EPS8L2: variants seen among roughly 807,000 people sequenced by gnomAD.
EPS8L2 encodes the protein EPS8 signaling adaptor L2.
EPS8L2 carries 81 observed loss-of-function variants against 99.4 expected under a neutral mutation model. The ratio of observed to expected loss-of-function variants is 0.82; its 90% CI spans 0.68 to 0.98. The LOEUF (loss-of-function observed/expected upper bound fraction) is 0.98. Among genes scored for constraint, EPS8L2 ranks in the 50% least tolerant of loss-of-function variants. The pLI, the probability that EPS8L2 is intolerant of heterozygous loss-of-function variation, is 0.00. For synonymous variants in EPS8L2, 509 were observed against 407.3 expected (o/e 1.25, Z -3.01); for missense variants, 1,155 against 968.8 (o/e 1.19, Z -2.55).
intron 4 of EPS8L2, among the ~76,000 whole-genome samples, chr11:713,778 T>G (rs908862152): frequency 6.6e-6 from 1 of 152,232 alleles, no homozygotes; most frequent in Non-Finnish European, 1.5e-5. Flanking sequence ...ACTCCTGACC[T>G]CAATTGATCC....
Position 727,160 on chromosome 11 carries a change from G to C in EPS8L2, c.*179G>C, listed in dbSNP as rs925097710. The C allele has an allele frequency of 9.8e-5, 56 of 572,312 alleles. No homozygotes were observed. The highest frequency in any genetic ancestry group is 9.1e-4 in the African/African-American group (48 of 52,484). 35.5% of individuals were successfully genotyped at this position (572,312 alleles called of 1,614,324 possible). A position where few individuals can be genotyped will look rare whatever the true frequency, so the allele number is the denominator to read the frequency against. ...ATCCTTAGGCCAAACAGTACCCAAG[G>C]CCTCAGCCCACACCAAGACTAATCT... On this transcript the variant is annotated 3_prime_UTR_variant, in exon 21 of 21. Transcript: ENST00000318562.
Position 722,497 on chromosome 11 carries a change from C to T in EPS8L2, c.1156C>T (p.Pro386Ser), listed in dbSNP as rs1449758656. 6.2e-7 allele frequency: 1 copy of T among 1,613,430 alleles called. No homozygotes were observed. Among genetic ancestry groups the T allele is most frequent in the South Asian group, 1.1e-5 (1 of 91,078 alleles). The change falls in exon 13 of 21, where the codon CCT (proline) becomes TCT (serine). Residue 386 changes from proline (P) to serine (S), a missense_variant. Transcript: ENST00000318562. ...GGACTTCCTGCGCGGCCACCTGGTC[C>T]CTAAGGAGATGTCGCTGTGGGAGTC... ...AVDFLRGHLV[P>S]KEMSLWESLG...
In EPS8L2 at chr11:726,408, G is replaced by A. The variant is rs1224788752; in HGVS notation, c.1858G>A (p.Val620Met). The A allele has an allele frequency of 1.9e-6, 3 of 1,606,116 alleles. No homozygotes were observed. Among genetic ancestry groups the A allele is most frequent in the Admixed American group, 1.7e-5 (1 of 59,090 alleles). Residue 620 changes from valine to methionine, a missense_variant, in exon 19 of 21, where the codon GTG becomes ATG. Coordinates refer to ENST00000318562, the MANE Select transcript of EPS8L2 (RefSeq NM_022772.4). ...CTTCCGCGTGGAGCGCAGCCAGCCC[G>A]TGAGCCAGCCGCTCACCTACGAGTC... ...RHFRVERSQP[V>M]SQPLTYESGP...
At position 724,625 on chromosome 11, in the gene EPS8L2, C is replaced by A; in HGVS notation, c.1455-99C>A. ...GACCTCCAGAACAGAAAAGAGGCAG[C>A]CAGTCGTGCACCTGGGAAGCTGCTG... On this transcript the variant is annotated intron_variant, in intron 15 of 20. Coordinates refer to ENST00000318562, the MANE Select transcript of EPS8L2 (RefSeq NM_022772.4). This position sits in a 1 kb window ranked among gnomAD's most constrained non-coding sequence, Gnocchi z 5.5. The A allele has an allele frequency of 1.3e-6, 1 of 792,996 alleles. No homozygotes were observed. The highest frequency in any genetic ancestry group is 2.2e-6 in the Non-Finnish European group (1 of 456,218). 49.1% of individuals were successfully genotyped at this position (792,996 alleles called of 1,614,324 possible). A position where few individuals can be genotyped will look rare whatever the true frequency, so the allele number is the denominator to read the frequency against.
Position 726,174 on chromosome 11 carries a change from A to G in EPS8L2, c.1753+4A>G. ...AGCTTCCCGGGGAACAAAGACGGTG[A>G]GAGCTGCTGCTTCGAGGCGGGGGTC... On this transcript the variant is annotated splice_donor_region_variant and intron_variant, in intron 18 of 20. Coordinates refer to ENST00000318562, the MANE Select transcript of EPS8L2 (RefSeq NM_022772.4). 6.2e-7 allele frequency: 1 copy of G among 1,606,236 alleles called. No individual in the cohort carries two copies. Among genetic ancestry groups the G allele is most frequent in the African/African-American group, 1.3e-5 (1 of 74,320 alleles).
intron 4 of EPS8L2, among the ~76,000 whole-genome samples, chr11:716,297 C>T (rs544237170): frequency 7.3e-4 from 110 of 151,662 alleles, no homozygotes; most frequent in African/African-American, 2.6e-3. Flanking sequence ...TACAGGCGCC[C>T]GCCACCCCGC....
At chr11:725,666 A>G in intron 16 of EPS8L2, 62 bp from the exon 17 acceptor site, 1 of 1,279,558 alleles carries the variant, frequency 7.8e-7, no homozygotes, top group Non-Finnish European at 9.8e-7. Context: ...AAGCGGCGCC[A>G]GCGGGTGGTC....
intron 3 of EPS8L2, chr11:710,008 C>G (rs949881544): frequency 1.1e-5 from 4 of 371,126 alleles, no homozygotes; most frequent in African/African-American, 8.3e-5. Flanking sequence ...ATGCACCCTT[C>G]ACTTATGTCT....
At chr11:712,084 G>A (rs890483555) in intron 4 of EPS8L2, among the ~76,000 whole-genome samples, 65 of 152,120 alleles carry the variant, frequency 4.3e-4, no homozygotes, top group South Asian at 4.2e-4. Flanking sequence ...TCAGGAGTTC[G>A]AGACCAGCCT....
In EPS8L2 at chr11:721,056, C is replaced by A. The variant is rs751635374; in HGVS notation, c.558-8C>A. 2 of 1,394,170 alleles carry A rather than the reference C, an allele frequency of 1.4e-6. No homozygotes were observed. Among genetic ancestry groups the A allele is most frequent in the African/African-American group, 1.6e-5 (1 of 62,762 alleles). 86.4% of individuals were successfully genotyped at this position (1,394,170 alleles called of 1,614,324 possible). A position where few individuals can be genotyped will look rare whatever the true frequency, so the allele number is the denominator to read the frequency against. On this transcript the variant is annotated splice_polypyrimidine_tract_variant and splice_region_variant and intron_variant, in intron 7 of 20. Transcript: ENST00000318562. ...GGCGGGGCTGAGCAGGACCCCCTCG[C>A]CCTCCAGGGGACACCAGGAGAAGAT...
In EPS8L2 at chr11:721,090, G is replaced by T; in HGVS notation, c.584G>T (p.Arg195Leu). ...LKGHQEKIRQRQSILPPPQGP... is the reference protein window; with the variant it reads ...LKGHQEKIRQLQSILPPPQGP... ...GGACACCAGGAGAAGATTCGGCAGC[G>T]GCAGTCCATCCTGCCTCCTCCCCAG... Residue 195 changes from arginine (R) to leucine (L), a missense_variant, in exon 8 of 21, where the codon CGG (arginine) becomes CTG (leucine). By Grantham distance (102) the Arg-to-Leu change is moderately radical. Coordinates refer to ENST00000318562, the MANE Select transcript of EPS8L2 (RefSeq NM_022772.4). The T allele has an allele frequency of 6.6e-7, 1 of 1,511,816 alleles. No individual in the cohort carries two copies. The allele number at this position is 1,511,816 out of a possible 1,614,324, so 93.7% of individuals were successfully genotyped here.
chr11:726,967 G>A lies in EPS8L2; in HGVS notation c.2134G>A (p.Gly712Arg), dbSNP rs764159379. The A allele has an allele frequency of 1.9e-6, 3 of 1,612,972 alleles. No homozygotes were observed. Among genetic ancestry groups the A allele is most frequent in the African/African-American group, 1.3e-5 (1 of 74,942 alleles). The change falls in exon 21 of 21, where the codon GGG (glycine) becomes AGG (arginine). Residue 712 changes from glycine (G) to arginine (R), a missense_variant. Gly to Arg is a moderately radical substitution (Grantham distance 125). Transcript: ENST00000318562. ...NKFHSMNQRR[G>R]EDS ...GTTTCATTCCATGAATCAGAGGAGGGGGGAGGACAGCTAGGCCCAGCTGCC... is the reference window on the plus strand; with the variant it reads ...GTTTCATTCCATGAATCAGAGGAGGAGGGAGGACAGCTAGGCCCAGCTGCC...
At chr11:715,914 C>T (rs1862013800) in intron 4 of EPS8L2, among the ~76,000 whole-genome samples, 1 of 151,492 alleles carries the variant, frequency 6.6e-6, no homozygotes, top group Non-Finnish European at 1.5e-5. Context: ...GCCACCGCGC[C>T]CGGCATTGAT....
chr11:711,265 C>T (rs61876709), intron 4 of EPS8L2, among the ~76,000 whole-genome samples: 30,371 of 123,410 alleles, frequency 0.25, 3,198 homozygotes, highest in Admixed American at 0.32. Flanking sequence ...TGTGTGCGTG[C>T]GTGCGTGTGT....
chr11:722,192 C>A, intron 12 of EPS8L2, 27 bp downstream of exon 12: 1 of 1,607,486 alleles, frequency 6.2e-7, no homozygotes, highest in Non-Finnish European at 8.5e-7. Context: ...GGCAGGGGCG[C>A]GCAGGGTGGG....
chr11:720,937 A>C (rs1376765480), intron 7 of EPS8L2, 28 bp downstream of exon 7: 2 of 585,930 alleles, frequency 3.4e-6, no homozygotes, highest in Non-Finnish European at 4.7e-6. Context: ...GCGGGGTCGC[A>C]GGGGGCGGGG....
chr11:725,193 A>C (rs1235080918), intron 16 of EPS8L2, among the ~76,000 whole-genome samples: 2 of 152,208 alleles, frequency 1.3e-5, no homozygotes, highest in African/African-American at 2.4e-5. Context: ...TGGGGGACAG[A>C]AAGTGGAGCA....
chr11:720,382 C>T (rs976755817), intron 5 of EPS8L2, among the ~76,000 whole-genome samples, 159 bp downstream of exon 5: 3 of 152,128 alleles, frequency 2.0e-5, no homozygotes, highest in Non-Finnish European at 4.4e-5. Context: ...GGCAGAGGGC[C>T]GCATAGAGCT....
intron 4 of EPS8L2, among the ~76,000 whole-genome samples, chr11:715,167 C>A (rs375811874): frequency 9.9e-5 from 15 of 151,688 alleles, no homozygotes; most frequent in African/African-American, 2.2e-4. Context: ...GCGTGAACCC[C>A]GGAGGCGGAG....
Sources: allele counts gnomAD v4.1 joint callset (sites outside exome capture counted in the v4.1 genomes callset), GRCh38; gene constraint gnomAD v4.1.1; non-coding constraint Gnocchi (gnomAD v3.1); transcripts MANE v1.5; gene names NCBI Gene and HGNC (gene_info 2026-07-23, HGNC 2026-07-21).